Variants in DYNC1LI1 observed in about 807,000 individuals in gnomAD.
The protein encoded by DYNC1LI1 is cytoplasmic dynein 1 light intermediate chain 1.
DYNC1LI1 carries 19 observed loss-of-function variants against 63.8 expected under a neutral mutation model. That is an observed-to-expected ratio of 0.30 (90% CI 0.21 to 0.44). The LOEUF is 0.44. Among genes scored for constraint, DYNC1LI1 ranks in the 20% least tolerant of loss-of-function variants. DYNC1LI1 has a pLI of 1.00. For missense variants in DYNC1LI1, 565 were observed against 630.2 expected (o/e 0.90, Z 1.11); for synonymous variants, 225 against 232.3 (o/e 0.97, Z 0.28).
At chr3:32,565,687 G>A (rs947916328) in intron 2 of DYNC1LI1, among the ~76,000 whole-genome samples, 1 of 152,098 alleles carries the variant, frequency 6.6e-6, no homozygotes, top group Non-Finnish European at 1.5e-5. Context: ...TTGGCTCACT[G>A]CAACCTCTGC....
At chr3:32,530,766 G>T in intron 8 of DYNC1LI1, 1 of 435,358 alleles carries the variant, frequency 2.3e-6, no homozygotes, top group East Asian at 3.6e-5. Flanking sequence ...AGCCACCAGT[G>T]GCTACTGAGC....
chr3:32,570,529 G>A (rs940308777), intron 1 of DYNC1LI1, 96 bp downstream of exon 1: 5 of 1,489,328 alleles, frequency 3.4e-6, no homozygotes, highest in Admixed American at 4.4e-5. Context: ...CGCAGTGGCC[G>A]GGCCCGGCGC....
chr3:32,565,534 A>T lies in DYNC1LI1; in HGVS notation c.220+4812T>A, dbSNP rs1469669. ...CTTAATAACTGCTAAGCATCCTCTT[A>T]CTTACAAGGAAAGCTCTTTTCCTTT... On this transcript the variant is annotated intron_variant, in intron 2 of 12. Transcript: ENST00000273130. Among the ~76,000 whole-genome samples, 213 of 152,354 alleles carry T rather than the reference A, an allele frequency of 1.4e-3. 2 individuals are homozygous for T. Among genetic ancestry groups the T allele is most frequent in the African/African-American group, 4.9e-3 (204 of 41,582 alleles).
chr3:32,529,066 A>T (rs1697660534), intron 11 of DYNC1LI1, among the ~76,000 whole-genome samples: 1 of 152,218 alleles, frequency 6.6e-6, no homozygotes, highest in Non-Finnish European at 1.5e-5. Context: ...ATTAGGTAGT[A>T]TTTAAAGCAT....
chr3:32,557,588 GC>G (rs1244525226), intron 2 of DYNC1LI1, among the ~76,000 whole-genome samples: 1 of 151,540 alleles, frequency 6.6e-6, no homozygotes, highest in Non-Finnish European at 1.5e-5. Context: ...TAAAAATAAT[GC>G]TTAATGGCAA....
chr3:32,568,108 T>C (rs955662948), intron 2 of DYNC1LI1, among the ~76,000 whole-genome samples: 1 of 152,174 alleles, frequency 6.6e-6, no homozygotes, highest in African/African-American at 2.4e-5. Flanking sequence ...AATGCTGGGA[T>C]TACAGGCGTG....
chr3:32,566,480 G>A (rs754137508), intron 2 of DYNC1LI1: 1 of 189,926 alleles, frequency 5.3e-6, no homozygotes, highest in Non-Finnish European at 1.1e-5. Context: ...GCCCAGCGCA[G>A]TGGCTCACGC....
rs544909743 is a variant in DYNC1LI1, at chr3:32,529,298, A to C, written c.1306+242T>G. Among the ~76,000 whole-genome samples, 4 of 152,336 alleles carry C rather than the reference A, an allele frequency of 2.6e-5. No homozygotes were observed. In the South Asian group the frequency reaches 8.3e-4, roughly 32 times the overall value. On this transcript the variant is annotated intron_variant, in intron 11 of 12. Transcript: ENST00000273130. ...TTATAGTGTAAATGTGAATTTCTTC[A>C]ATGATCTACCAGGAAATTGATTAAA...
intron 6 of DYNC1LI1, among the ~76,000 whole-genome samples, chr3:32,536,705 T>C (rs865967937): frequency 1.5e-4 from 23 of 152,032 alleles, no homozygotes; most frequent in Non-Finnish European, 1.2e-4. Flanking sequence ...ATAAATACAG[T>C]TTTTTAATCA....
intron 4 of DYNC1LI1, among the ~76,000 whole-genome samples, chr3:32,541,676 C>T (rs536606519): frequency 6.6e-6 from 1 of 152,328 alleles, no homozygotes; most frequent in African/African-American, 2.4e-5. Flanking sequence ...GGGCCATGCT[C>T]ATTCTGTAAC....
chr3:32,570,405 C>T lies in DYNC1LI1; in HGVS notation c.161G>A (p.Ser54Asn), dbSNP rs754216112. The change falls in exon 2 of 13, where the codon AGC becomes AAC. Residue 54 changes from serine (S) to asparagine (N), a missense_variant. Coordinates refer to ENST00000273130, the MANE Select transcript of DYNC1LI1 (RefSeq NM_016141.4). ...DGQNLWSCIL[S>N]EVSTRSRSKL... ...GGAGCGCGAGCGGGTGGAGACCTCG[C>T]TGAGGATGCAGGACCTAACGGGAAG... The T allele has an allele frequency of 2.6e-5, 42 of 1,604,508 alleles. No homozygotes were observed. The highest frequency in any genetic ancestry group is 2.0e-5 in the Non-Finnish European group (24 of 1,176,754).
chr3:32,545,945 T>C lies in DYNC1LI1; in HGVS notation c.241A>G (p.Thr81Ala). The C allele has an allele frequency of 1.2e-6, 2 of 1,607,632 alleles. No individual in the cohort carries two copies. The highest frequency in any genetic ancestry group is 1.7e-6 in the Non-Finnish European group (2 of 1,174,886). ...LLLGEDGAGK[T>A]SLIRKIQGIE... ...CCCTGAATTTTTCTTATTAAGCTTG[T>C]TTTTCCAGCTCCATCTTCACCTAGA... The change falls in exon 3 of 13, where the codon ACA (threonine) becomes GCA (alanine). Residue 81 changes from threonine to alanine, a missense_variant. Transcript: ENST00000273130.
At chr3:32,557,361 CA>C (rs1409900951) in intron 2 of DYNC1LI1, among the ~76,000 whole-genome samples, 13 of 147,130 alleles carry the variant, frequency 8.8e-5, no homozygotes, top group Admixed American at 2.0e-4. Flanking sequence ...ACTAAAAATA[CA>C]AAAAAAAAAT....
chr3:32,541,054 G>C lies in DYNC1LI1; in HGVS notation c.721C>G (p.Leu241Val). 6 of 1,610,494 alleles carry C rather than the reference G, an allele frequency of 3.7e-6. No homozygotes were observed. The highest frequency in any genetic ancestry group is 5.1e-6 in the Non-Finnish European group (6 of 1,178,350). Residue 241 changes from leucine (L) to valine (V), a missense_variant, in exon 5 of 13, where the codon CTA (leucine) becomes GTA (valine). Physicochemically the swap from Leu to Val is conservative, Grantham distance 32. Coordinates refer to ENST00000273130, the MANE Select transcript of DYNC1LI1 (RefSeq NM_016141.4). The stretch of plus-strand genomic sequence containing the variant: ...AAACTAACCTTTGTGCAAACTACTA[G>C]TACTGGAATGCCCAAGTTATGTGTA... ...TLTHNLGIPV[L>V]VVCTKCDAIS...
At position 32,564,348 on chromosome 3, in the gene DYNC1LI1, AAC is replaced by A. The variant is rs898835588; in HGVS notation, c.220+5996_220+5997del. Among the ~76,000 whole-genome samples the A allele has an allele frequency of 2.8e-4, 43 of 152,152 alleles. 1 individual carries two copies. The highest frequency in any genetic ancestry group is 4.4e-4 in the Non-Finnish European group (30 of 68,010). Reference sequence around the variant, plus strand: ...AAACAAACAAGCAAACAAACAAACAAACACAGAGGTTCACAAACTTCAGGCCA... The same window carrying A: ...AAACAAACAAGCAAACAAACAAACAAACAGAGGTTCACAAACTTCAGGCCA... On this transcript the variant is annotated intron_variant, in intron 2 of 12. Coordinates refer to ENST00000273130, the MANE Select transcript of DYNC1LI1 (RefSeq NM_016141.4).
intron 2 of DYNC1LI1, among the ~76,000 whole-genome samples, chr3:32,564,107 C>A (rs1188227850): frequency 6.6e-6 from 1 of 152,170 alleles, no homozygotes; most frequent in Non-Finnish European, 1.5e-5. Context: ...TGGGGACCAG[C>A]CTGGGCAACA....
chr3:32,557,455 G>A (rs781203977), intron 2 of DYNC1LI1, among the ~76,000 whole-genome samples: 6 of 152,078 alleles, frequency 3.9e-5, no homozygotes, highest in Non-Finnish European at 8.8e-5. Flanking sequence ...CTAGGAGGCG[G>A]AGGCTGCAGT....
Position 32,570,472 on chromosome 3 carries a change from G to A in DYNC1LI1, c.147-53C>T, listed in dbSNP as rs1698333148. 24 of 1,528,066 alleles carry A rather than the reference G, an allele frequency of 1.6e-5. 2 individuals carry two copies. The South Asian group carries it at 2.9e-4, about 18-fold the overall frequency. The allele number at this position is 1,528,066 out of a possible 1,614,324, so 94.7% of individuals were successfully genotyped here. On this transcript the variant is annotated intron_variant, in intron 1 of 12. Transcript: ENST00000273130. ...GCCGGAGGCCGGAGCCGCAGCGCGG[G>A]AGGGACGGACCCGGCCTCGGCGCGC...
At chr3:32,547,151 G>A (rs1697966751) in intron 2 of DYNC1LI1, among the ~76,000 whole-genome samples, 1 of 152,128 alleles carries the variant, frequency 6.6e-6, no homozygotes, top group African/African-American at 2.4e-5. Flanking sequence ...ACTGAGGCAG[G>A]AGAACTGCTT....
Sources: gnomAD v4.1 joint callset for allele counts (sites outside exome capture counted in the v4.1 genomes callset) on GRCh38, gnomAD v4.1.1 for gene constraint, MANE v1.5 for transcripts, NCBI Gene and HGNC (gene_info 2026-07-23, HGNC 2026-07-21) for gene names.